Variants in RBPMS2 observed in about 807,000 individuals in gnomAD.
The protein encoded by RBPMS2 is RNA-binding protein with multiple splicing 2.
In RBPMS2, 14 loss-of-function variants were observed where a neutral mutation model predicts 25.7. The observed-to-expected ratio is 0.55, with a 90% confidence interval of 0.36 to 0.85. The LOEUF (loss-of-function observed/expected upper bound fraction) is 0.85. RBPMS2 is among the 40% of genes least tolerant of loss of function. The pLI, the probability that RBPMS2 is intolerant of heterozygous loss-of-function variation, is 0.01. For synonymous variants in RBPMS2, 127 were observed against 115.6 expected (o/e 1.10, Z -0.63); for missense variants, 252 against 283.4 (o/e 0.89, Z 0.80).
chr15:64,770,850 C>T (rs2083887985), intron 1 of RBPMS2, among the ~76,000 whole-genome samples: 1 of 151,988 alleles, frequency 6.6e-6, no homozygotes, highest in African/African-American at 2.4e-5. Flanking sequence ...GGAGGGCTGA[C>T]CTCAAGCCAC....
chr15:64,770,911 T>G (rs895724016), intron 1 of RBPMS2, among the ~76,000 whole-genome samples: 2 of 152,042 alleles, frequency 1.3e-5, no homozygotes, highest in African/African-American at 4.8e-5. Context: ...TGAGGACACA[T>G]GATGGGCTCT....
chr15:64,761,696 C>CT (rs71133473), intron 1 of RBPMS2, among the ~76,000 whole-genome samples: 61,977 of 86,908 alleles, frequency 0.71, 23,831 homozygotes, highest in East Asian at 0.88. Context: ...CAAAGCCCAG[C>CT]TTTTTTTTTT....
chr15:64,743,783 A>G (rs1451476450), intron 6 of RBPMS2, among the ~76,000 whole-genome samples: 1 of 152,212 alleles, frequency 6.6e-6, no homozygotes, highest in Non-Finnish European at 1.5e-5. Context: ...ATACACCAGA[A>G]AGCAAGCAAC....
rs1442810067 is a variant in RBPMS2, at chr15:64,740,304, G to A, written c.*704C>T. On this transcript the variant is annotated 3_prime_UTR_variant, in exon 8 of 8. Transcript: ENST00000300069. ...GTTGGTTTCGAGGTTTGGAAAGAAT[G>A]AGGAGCAGCGGCGGGCGGGGTGCGC... 1 of 152,376 alleles carries A rather than the reference G, an allele frequency of 6.6e-6. No homozygotes were observed. 9.4% of individuals were successfully genotyped at this position (152,376 alleles called of 1,614,324 possible). A position where few individuals can be genotyped will look rare whatever the true frequency, so the allele number is the denominator to read the frequency against.
intron 2 of RBPMS2, 60 bp from the exon 3 acceptor site, chr15:64,750,441 C>T (rs764901353): frequency 4.8e-5 from 68 of 1,431,134 alleles, no homozygotes; most frequent in Non-Finnish European, 5.8e-5. Context: ...GCTAGCCCAG[C>T]GCTGCCACCT....
intron 1 of RBPMS2, among the ~76,000 whole-genome samples, chr15:64,757,766 GA>G (rs2141067772): frequency 6.6e-6 from 1 of 151,916 alleles, no homozygotes; most frequent in Non-Finnish European, 1.5e-5. Flanking sequence ...AAACATTCAG[GA>G]ACAGGCTGGA....
In RBPMS2 at chr15:64,749,638, A is replaced by G. The variant is rs1595786759; in HGVS notation, c.205-145T>C. 1.2e-5 allele frequency: 8 copies of G among 661,702 alleles called. No homozygotes were observed. In the Admixed American group the frequency reaches 1.4e-4, roughly 11 times the overall value. The allele number at this position is 661,702 out of a possible 1,614,324, so 41.0% of individuals were successfully genotyped here. ...ATACAAAAGGAAAAAAAGCCCCCCA[A>G]AACTCCAGCCCACATCCTCCCTGTT... On this transcript the variant is annotated intron_variant, in intron 3 of 7. Transcript: ENST00000300069.
intron 1 of RBPMS2, among the ~76,000 whole-genome samples, chr15:64,760,000 T>C (rs968731058): frequency 6.6e-6 from 1 of 152,188 alleles, no homozygotes; most frequent in Admixed American, 6.5e-5. Context: ...TCAGCTCAGG[T>C]AGACGTCTCT....
At chr15:64,742,002 C>A (rs1003152339) in intron 6 of RBPMS2, among the ~76,000 whole-genome samples, 1 of 152,150 alleles carries the variant, frequency 6.6e-6, no homozygotes, top group East Asian at 1.9e-4. Context: ...CCCATCTCTA[C>A]TAAAAATACA....
At chr15:64,764,256 A>C (rs964143830) in intron 1 of RBPMS2, among the ~76,000 whole-genome samples, 2 of 152,166 alleles carry the variant, frequency 1.3e-5, no homozygotes. Context: ...CAAGGGTTGC[A>C]GTTGCCGCCA....
intron 2 of RBPMS2, among the ~76,000 whole-genome samples, chr15:64,751,258 A>G (rs1453697143): frequency 6.6e-6 from 1 of 151,498 alleles, no homozygotes; most frequent in Non-Finnish European, 1.5e-5. Context: ...GCTTGAACCC[A>G]GGAGGCAGCG....
At chr15:64,757,130 GC>G (rs1381546837) in intron 1 of RBPMS2, among the ~76,000 whole-genome samples, 1 of 151,928 alleles carries the variant, frequency 6.6e-6, no homozygotes, top group Non-Finnish European at 1.5e-5. Flanking sequence ...GCACCACAAT[GC>G]CTGGCTAGCT....
intron 6 of RBPMS2, among the ~76,000 whole-genome samples, chr15:64,747,397 C>T (rs1023484030): frequency 6.6e-6 from 1 of 152,118 alleles, no homozygotes; most frequent in African/African-American, 2.4e-5. Context: ...TCCTGCTTTC[C>T]TTCCTCATCC....
At chr15:64,759,029 G>C (rs1008371032) in intron 1 of RBPMS2, among the ~76,000 whole-genome samples, 4 of 152,120 alleles carry the variant, frequency 2.6e-5, no homozygotes, top group Non-Finnish European at 5.9e-5. Flanking sequence ...GGGCTCAAGT[G>C]ATCTTCCTGC....
At chr15:64,754,562 G>A (rs112347460) in intron 1 of RBPMS2, among the ~76,000 whole-genome samples, 2,165 of 151,986 alleles carry the variant, frequency 0.014, 26 homozygotes, top group Non-Finnish European at 0.022. Context: ...AGTGAGCTGA[G>A]ATCACACCAC....
chr15:64,764,964 C>T (rs1321081444), intron 1 of RBPMS2, among the ~76,000 whole-genome samples: 3 of 149,624 alleles, frequency 2.0e-5, no homozygotes, highest in East Asian at 2.0e-4. Flanking sequence ...CGGTGGCTCA[C>T]GCCTGTAATC....
chr15:64,741,763 G>A (rs958980183), intron 6 of RBPMS2, among the ~76,000 whole-genome samples: 1 of 152,274 alleles, frequency 6.6e-6, no homozygotes, highest in African/African-American at 2.4e-5. Flanking sequence ...GCCGGGTGCA[G>A]TGGCACACAC....
At position 64,775,448 on chromosome 15, in the gene RBPMS2, C is replaced by A; in HGVS notation, c.-129G>T. 3.0e-6 allele frequency: 1 copy of A among 332,392 alleles called. No homozygotes were observed. The highest frequency in any genetic ancestry group is 5.2e-5 in the Admixed American group (1 of 19,068). 20.6% of individuals were successfully genotyped at this position (332,392 alleles called of 1,614,324 possible). A position where few individuals can be genotyped will look rare whatever the true frequency, so the allele number is the denominator to read the frequency against. ...AGCGGGTGGCGGGGGACCCACGGGG[C>A]AGTGAGAGGGGCAGCCTCCGCGTCG... On this transcript the variant is annotated 5_prime_UTR_variant, in exon 1 of 8. Coordinates refer to ENST00000300069, the MANE Select transcript of RBPMS2 (RefSeq NM_194272.3).
chr15:64,764,717 C>T (rs549430938), intron 1 of RBPMS2, among the ~76,000 whole-genome samples: 2 of 151,118 alleles, frequency 1.3e-5, no homozygotes, highest in Non-Finnish European at 2.9e-5. Flanking sequence ...AGATCGAGAC[C>T]ATCCTGGCTA....
Sources: allele counts gnomAD v4.1 joint callset (sites outside exome capture counted in the v4.1 genomes callset), GRCh38; gene constraint gnomAD v4.1.1; transcripts MANE v1.5; gene names NCBI Gene and HGNC (gene_info 2026-07-23, HGNC 2026-07-21).